The following TMEM131 variants were observed in gnomAD, a reference collection of about 807,000 sequenced individuals.
TMEM131 encodes the protein transmembrane protein 131, also known as 2610524E03Rik.
In TMEM131, 66 loss-of-function variants were observed where a neutral mutation model predicts 211.6. The observed-to-expected ratio is 0.31, with a 90% CI of 0.26 to 0.38. The LOEUF is 0.38. TMEM131 is among the 10% of genes least tolerant of loss of function. TMEM131 has a pLI of 1.00. For missense variants in TMEM131, 2,036 were observed against 2,299.3 expected, an observed-to-expected ratio of 0.89 and a Z score of 2.34; for synonymous variants, 844 against 841.3, an observed-to-expected ratio of 1.00 and a Z score of -0.06.
chr2:97,819,235 C>T (rs537895229), intron 11 of TMEM131, among the ~76,000 whole-genome samples: 1 of 152,188 alleles, frequency 6.6e-6, no homozygotes, highest in East Asian at 1.9e-4. Context: ...GCGAGTGAGG[C>T]ATGCTGCTAT....
rs201541228 is a variant in TMEM131 at position 97,768,080 on chromosome 2, G to A, written c.4449-1478C>T. On this transcript the variant is annotated intron_variant, in intron 33 of 40. Transcript: ENST00000186436. ...GTCAAAGGACATTTTCTTTTGTTTC[G>A]TTGTATTTCACAAGTAGGTATTATA... is the stretch of plus-strand genomic sequence containing the variant. 5.3e-5 allele frequency among the ~76,000 whole-genome samples: 8 copies of A among 152,158 alleles called. No homozygotes were observed. In the East Asian group the frequency reaches 1.5e-3, roughly 29 times the overall value.
chr2:97,995,441 G>A, intron 1 of TMEM131, 35 bp downstream of exon 1: 1 of 1,332,020 alleles, frequency 7.5e-7, no homozygotes, highest in Non-Finnish European at 9.6e-7. Context: ...CGGGGTGACA[G>A]CCCCGCCGCA....
At chr2:97,773,373 C>T (rs770072688) in intron 32 of TMEM131, among the ~76,000 whole-genome samples, 3 of 152,134 alleles carry the variant, frequency 2.0e-5, no homozygotes, top group Non-Finnish European at 2.9e-5. Context: ...GGGAGACACA[C>T]GACAGACGCC....
chr2:97,793,571 A>T lies in TMEM131; in HGVS notation c.3387-18T>A, dbSNP rs778394984. ...ACAGTGCACTGCAGGGGTAAAAAAA[A>T]TTGGAAAATCAGGATTCATTTGTTA... On this transcript the variant is annotated intron_variant, in intron 29 of 40. Transcript: ENST00000186436. The T allele has an allele frequency of 3.4e-5, 54 of 1,579,632 alleles. No homozygotes were observed. Among genetic ancestry groups the T allele is most frequent in the Non-Finnish European group, 4.0e-5 (46 of 1,163,758 alleles).
intron 1 of TMEM131, among the ~76,000 whole-genome samples, chr2:97,953,294 C>T (rs573485292): frequency 1.3e-5 from 2 of 152,192 alleles, no homozygotes; most frequent in South Asian, 2.1e-4. Flanking sequence ...AACTACATAC[C>T]GTCTAATAAA....
At chr2:97,861,298 G>A (rs1674058978) in intron 4 of TMEM131, among the ~76,000 whole-genome samples, 1 of 151,846 alleles carries the variant, frequency 6.6e-6, no homozygotes. Context: ...GAGCTGGGGT[G>A]CCCAAGGGAG....
chr2:97,775,387 TG>T (rs1446869094), intron 32 of TMEM131, among the ~76,000 whole-genome samples: 1 of 152,120 alleles, frequency 6.6e-6, no homozygotes, highest in Non-Finnish European at 1.5e-5. Context: ...CTCTACTGCT[TG>T]GGAGTAAGCG....
chr2:97,904,052 A>G (rs1326153682), intron 3 of TMEM131, among the ~76,000 whole-genome samples: 2 of 152,226 alleles, frequency 1.3e-5, no homozygotes, highest in African/African-American at 4.8e-5. Flanking sequence ...CAATAGTTCT[A>G]CATTAGAGAC....
At chr2:97,829,120 T>C (rs951144129) in intron 11 of TMEM131, among the ~76,000 whole-genome samples, 1 of 152,194 alleles carries the variant, frequency 6.6e-6, no homozygotes, top group Non-Finnish European at 1.5e-5. Flanking sequence ...GTAGCTAGAA[T>C]GATCATTGCC....
At chr2:97,868,795 C>T (rs1397173957) in intron 4 of TMEM131, among the ~76,000 whole-genome samples, 1 of 152,132 alleles carries the variant, frequency 6.6e-6, no homozygotes, top group African/African-American at 2.4e-5. Context: ...CAGTAGAACT[C>T]CTCAAACCAA....
chr2:97,779,420 G>A (rs758966329), intron 31 of TMEM131, among the ~76,000 whole-genome samples: 4 of 152,214 alleles, frequency 2.6e-5, no homozygotes, highest in Non-Finnish European at 5.9e-5. Context: ...GCCCCTGGGT[G>A]GGCTGAAGCA....
At chr2:97,845,450 A>G (rs1294614617) in intron 5 of TMEM131, among the ~76,000 whole-genome samples, 4 of 152,170 alleles carry the variant, frequency 2.6e-5, no homozygotes. Flanking sequence ...CAAACCCTCA[A>G]AAAGTCTGAA....
intron 31 of TMEM131, among the ~76,000 whole-genome samples, chr2:97,784,770 T>C (rs1333801968): frequency 2.0e-5 from 3 of 152,214 alleles, no homozygotes; most frequent in Admixed American, 6.5e-5. Flanking sequence ...GGCGCTGTGA[T>C]TGAAACAGAT....
rs1255590603 is a variant in TMEM131 at position 97,809,818 on chromosome 2, A to G, written c.1969-44T>C. 4 of 1,463,594 alleles carry G rather than the reference A, an allele frequency of 2.7e-6. No individual in the cohort carries two copies. The African/African-American group carries it at 4.2e-5, about 15-fold the overall frequency. The allele number at this position is 1,463,594 out of a possible 1,614,324, so 90.7% of individuals were successfully genotyped here. A position where few individuals can be genotyped will look rare whatever the true frequency, so the allele number is the denominator to read the frequency against. ...GATGATAGATAAGTAGTTAAGACTT[A>G]GCCTGATCTTGATAACTATTGCATT... On this transcript the variant is annotated intron_variant, in intron 18 of 40. Transcript: ENST00000186436.
intron 1 of TMEM131, among the ~76,000 whole-genome samples, chr2:97,969,070 G>C (rs1435013551): frequency 7.2e-6 from 1 of 139,748 alleles, no homozygotes; most frequent in Non-Finnish European, 1.5e-5. Context: ...ATGGGTGACA[G>C]AGACAGACTC....
chr2:97,766,536 A>C lies in TMEM131; in HGVS notation c.4515T>G (p.Ile1505Met). The change falls in exon 34 of 41, where the codon ATT (isoleucine) becomes ATG (methionine). Residue 1505 changes from isoleucine to methionine, a missense_variant. Coordinates refer to ENST00000186436, the MANE Select transcript of TMEM131 (RefSeq NM_015348.2). Reference sequence around the variant, plus strand: ...CACTTGTCATTGCAGTTGGAAGAGGAATCTTGCTTGGGAGATTTCTACGTT... The same window carrying C: ...CACTTGTCATTGCAGTTGGAAGAGGCATCTTGCTTGGGAGATTTCTACGTT... ...SKQRRNLPSKIPLPTAMTSGS... is the reference protein window; with the variant it reads ...SKQRRNLPSKMPLPTAMTSGS... The C allele has an allele frequency of 6.2e-7, 1 of 1,613,972 alleles. No individual in the cohort carries two copies. Among genetic ancestry groups the C allele is most frequent in the East Asian group, 2.2e-5 (1 of 44,876 alleles).
intron 22 of TMEM131, among the ~76,000 whole-genome samples, 158 bp downstream of exon 22, chr2:97,804,930 G>T (rs62154515): frequency 2.6e-5 from 4 of 152,152 alleles, no homozygotes; most frequent in Non-Finnish European, 5.9e-5. Flanking sequence ...AGTTAAAATG[G>T]CAATTTAAGA....
intron 4 of TMEM131, among the ~76,000 whole-genome samples, chr2:97,879,651 A>T (rs1674841533): frequency 6.6e-6 from 1 of 152,176 alleles, no homozygotes; most frequent in Non-Finnish European, 1.5e-5. Flanking sequence ...CTTCCTCCTC[A>T]GCCTACTCAA....
chr2:97,962,315 A>G (rs1490573912), intron 1 of TMEM131, among the ~76,000 whole-genome samples: 1 of 152,200 alleles, frequency 6.6e-6, no homozygotes, highest in Non-Finnish European at 1.5e-5. Flanking sequence ...CATCCTGGCC[A>G]ACAGGGTGAA....
Sources: gnomAD v4.1 joint callset for allele counts (sites outside exome capture counted in the v4.1 genomes callset) on GRCh38, gnomAD v4.1.1 for gene constraint, MANE v1.5 for transcripts, NCBI Gene and HGNC (gene_info 2026-07-23, HGNC 2026-07-21) for gene names.